CERS6: variants seen among roughly 807,000 people sequenced by gnomAD.
CERS6 encodes the protein LAG1 homolog, ceramide synthase 6.
In CERS6, 26 loss-of-function variants were observed where a neutral mutation model predicts 56.8. That is an observed-to-expected ratio of 0.46 (90% CI 0.34 to 0.63). CERS6 has a LOEUF of 0.63. Among genes scored for constraint, CERS6 ranks in the 30% least tolerant of loss-of-function variants. The pLI is 0.01. For missense variants in CERS6, 415 were observed against 467.5 expected (o/e 0.89, Z 1.04); for synonymous variants, 164 against 173.3 (o/e 0.95, Z 0.42).
intron 1 of CERS6, among the ~76,000 whole-genome samples, chr2:168,544,125 A>G (rs932311259): frequency 6.6e-6 from 1 of 152,206 alleles, no homozygotes; most frequent in African/African-American, 2.4e-5. Flanking sequence ...GCACATACCT[A>G]CCATGGGTCA....
chr2:168,713,007 A>G (rs762215323), intron 6 of CERS6, among the ~76,000 whole-genome samples: 4 of 152,024 alleles, frequency 2.6e-5, no homozygotes, highest in Non-Finnish European at 5.9e-5. Context: ...ACCTTCTACT[A>G]TAAGAGATCA....
intron 8 of CERS6, among the ~76,000 whole-genome samples, chr2:168,761,096 C>T (rs1235277974): frequency 6.6e-6 from 1 of 152,032 alleles, no homozygotes; most frequent in Non-Finnish European, 1.5e-5. Context: ...CATATGTTCT[C>T]TCTGTTCCCT....
chr2:168,610,159 A>G (rs1305613152), intron 3 of CERS6, among the ~76,000 whole-genome samples: 4 of 151,848 alleles, frequency 2.6e-5, no homozygotes, highest in Non-Finnish European at 5.9e-5. Context: ...TTGTATTTTT[A>G]GTAGAGACGG....
At chr2:168,723,384 A>G (rs1323158931) in intron 8 of CERS6, among the ~76,000 whole-genome samples, 1 of 152,184 alleles carries the variant, frequency 6.6e-6, no homozygotes, top group Admixed American at 6.5e-5. Context: ...TACAGTGTCT[A>G]ATTCCTGTTC....
At chr2:168,743,214 ATG>A (rs111304857) in intron 8 of CERS6, among the ~76,000 whole-genome samples, 16 of 130,706 alleles carry the variant, frequency 1.2e-4, no homozygotes, top group African/African-American at 1.6e-4. Flanking sequence ...GTGTGTGTGT[ATG>A]TGTGTGTGTA....
At chr2:168,711,806 C>T (rs1219406056) in intron 6 of CERS6, among the ~76,000 whole-genome samples, 2 of 149,874 alleles carry the variant, frequency 1.3e-5, no homozygotes, top group African/African-American at 4.9e-5. Flanking sequence ...AGTTGGATTA[C>T]AAATTGGCTG....
intron 1 of CERS6, among the ~76,000 whole-genome samples, chr2:168,497,753 A>G (rs1047359566): frequency 3.9e-5 from 6 of 152,194 alleles, no homozygotes; most frequent in African/African-American, 1.4e-4. Flanking sequence ...ACTCTGAGTG[A>G]CATGGGATGC....
intron 4 of CERS6, among the ~76,000 whole-genome samples, chr2:168,655,850 G>A (rs1685456542): frequency 1.3e-5 from 2 of 152,176 alleles, no homozygotes; most frequent in African/African-American, 4.8e-5. Context: ...TGTTAAATAA[G>A]TAGATCTTAG....
intron 1 of CERS6, among the ~76,000 whole-genome samples, chr2:168,505,382 C>CAAAAAAAAAAAAAA (rs370477008): frequency 3.1e-5 from 3 of 96,366 alleles, no homozygotes; most frequent in African/African-American, 4.0e-5. Flanking sequence ...ACCCTGTTTC[C>CAAAAAAAAAAAAAA]AAAAAAAAAA....
At chr2:168,563,951 A>G (rs1280225545) in intron 3 of CERS6, among the ~76,000 whole-genome samples, 1 of 152,106 alleles carries the variant, frequency 6.6e-6, no homozygotes, top group East Asian at 1.9e-4. Context: ...TTTCTGTTGT[A>G]TGATATAGTA....
In CERS6 at chr2:168,759,895, G is replaced by GT. The variant is rs201345537; in HGVS notation, c.846-5696dup. Among the ~76,000 whole-genome samples, 264 of 145,980 alleles carry GT rather than the reference G, an allele frequency of 1.8e-3. 3 individuals carry two copies. The highest frequency in any genetic ancestry group is 0.016 in the East Asian group (80 of 4,982). ...TAAAGCCAAAAGCTGTACGTTGTGT[G>GT]TGTTTTTTTTTGTACATATGTGTTT... On this transcript the variant is annotated intron_variant, in intron 8 of 9. Coordinates refer to ENST00000305747, the MANE Select transcript of CERS6 (RefSeq NM_203463.3).
chr2:168,721,557 T>G (rs1246706345), intron 8 of CERS6, among the ~76,000 whole-genome samples: 1 of 88,688 alleles, frequency 1.1e-5, no homozygotes, highest in Admixed American at 9.5e-5. Context: ...TGTTTTTGTT[T>G]TTTTTTTTGT....
At chr2:168,741,373 T>TAAAAAAAA (rs200311434) in intron 8 of CERS6, among the ~76,000 whole-genome samples, 1 of 147,078 alleles carries the variant, frequency 6.8e-6, no homozygotes, top group Non-Finnish European at 1.5e-5. Flanking sequence ...TTTGGAGAAT[T>TAAAAAAAA]AAAAAAAAAA....
intron 4 of CERS6, among the ~76,000 whole-genome samples, chr2:168,652,809 A>G (rs1037447021): frequency 2.0e-5 from 3 of 152,204 alleles, no homozygotes; most frequent in Non-Finnish European, 4.4e-5. Context: ...GATCTTCCTC[A>G]TGCACATCTG....
intron 3 of CERS6, among the ~76,000 whole-genome samples, chr2:168,589,213 G>GT (rs1307850217): frequency 6.6e-6 from 1 of 152,096 alleles, no homozygotes; most frequent in Non-Finnish European, 1.5e-5. Flanking sequence ...CTTTTACTTT[G>GT]TTTTTTTCCT....
At chr2:168,493,718 A>G (rs908415761) in intron 1 of CERS6, among the ~76,000 whole-genome samples, 19 of 152,242 alleles carry the variant, frequency 1.2e-4, no homozygotes, top group African/African-American at 3.9e-4. Context: ...AGTACTTGGT[A>G]TTAGGTGGTT....
chr2:168,679,054 T>A (rs1686143626), intron 4 of CERS6, among the ~76,000 whole-genome samples: 1 of 152,146 alleles, frequency 6.6e-6, no homozygotes, highest in Non-Finnish European at 1.5e-5. Context: ...CTGGAGGACA[T>A]CATGTTAAGC....
At chr2:168,707,931 A>T (rs1686999266) in intron 6 of CERS6, among the ~76,000 whole-genome samples, 2 of 152,160 alleles carry the variant, frequency 1.3e-5, no homozygotes, top group Non-Finnish European at 2.9e-5. Context: ...GCAGCAAATT[A>T]TTCTGATGTG....
intron 4 of CERS6, among the ~76,000 whole-genome samples, chr2:168,677,183 C>T (rs1295883708): frequency 2.0e-5 from 3 of 151,840 alleles, no homozygotes; most frequent in African/African-American, 4.8e-5. Flanking sequence ...CCCCACCCCC[C>T]AACAGGCCCT....
Sources: allele counts gnomAD v4.1 joint callset (sites outside exome capture counted in the v4.1 genomes callset), GRCh38; gene constraint gnomAD v4.1.1; transcripts MANE v1.5; gene names NCBI Gene and HGNC (gene_info 2026-07-23, HGNC 2026-07-21).